Variants in RAPGEF1 observed in about 807,000 individuals in gnomAD.
RAPGEF1 encodes CRK SH3-binding GNRP.
In RAPGEF1, 33 loss-of-function variants were observed where a neutral mutation model predicts 143.3. The ratio of observed to expected loss-of-function variants is 0.23; its 90% CI spans 0.17 to 0.31. The LOEUF (loss-of-function observed/expected upper bound fraction) is 0.31. RAPGEF1 is among the 10% of genes least tolerant of loss of function. RAPGEF1 has a pLI of 1.00. For missense variants in RAPGEF1, 1,199 were observed against 1,645.4 expected, an observed-to-expected ratio of 0.73 and a Z score of 4.69; for synonymous variants, 629 against 676.5, an observed-to-expected ratio of 0.93 and a Z score of 1.09.
At chr9:131,644,077 C>T (rs1233674542) in intron 3 of RAPGEF1, among the ~76,000 whole-genome samples, 1 of 152,190 alleles carries the variant, frequency 6.6e-6, no homozygotes, top group Non-Finnish European at 1.5e-5. Flanking sequence ...GATTCAATCA[C>T]GACTCATGCA....
chr9:131,699,120 A>T (rs928785808), intron 1 of RAPGEF1, among the ~76,000 whole-genome samples: 1 of 151,846 alleles, frequency 6.6e-6, no homozygotes, highest in Admixed American at 6.6e-5. Context: ...ACCCTTAACA[A>T]CTACCACCTT....
intron 15 of RAPGEF1, among the ~76,000 whole-genome samples, chr9:131,600,275 CAA>C (rs1293681143): frequency 6.6e-6 from 1 of 152,194 alleles, no homozygotes; most frequent in Non-Finnish European, 1.5e-5. Flanking sequence ...TCTGAGCAGT[CAA>C]AGTGTTCATC....
intron 4 of RAPGEF1, among the ~76,000 whole-genome samples, chr9:131,642,076 T>C (rs7022003): frequency 0.039 from 5,979 of 152,290 alleles, 242 homozygotes; most frequent in East Asian, 0.09. Flanking sequence ...ACAAAACATG[T>C]GCCAGCCTCT....
At chr9:131,579,930 G>T (rs1211820184) in intron 26 of RAPGEF1, among the ~76,000 whole-genome samples, 2 of 152,204 alleles carry the variant, frequency 1.3e-5, no homozygotes, top group Admixed American at 6.5e-5. Flanking sequence ...GGCCCGCCCT[G>T]GGGGAGCTCT....
chr9:131,631,918 A>ACT (rs61700979), intron 5 of RAPGEF1, among the ~76,000 whole-genome samples: 33,757 of 151,658 alleles, frequency 0.22, 4,673 homozygotes, highest in Non-Finnish European at 0.3. Context: ...ACCACTTCAG[A>ACT]CAGCCTCTCC....
chr9:131,686,447 A>G (rs929318103), intron 1 of RAPGEF1, among the ~76,000 whole-genome samples: 4 of 152,062 alleles, frequency 2.6e-5, no homozygotes, highest in Non-Finnish European at 5.9e-5. Context: ...GACTTTTCAG[A>G]CCCAACCCCC....
intron 1 of RAPGEF1, among the ~76,000 whole-genome samples, chr9:131,684,378 A>G (rs1254796490): frequency 1.3e-5 from 2 of 152,240 alleles, no homozygotes; most frequent in Non-Finnish European, 2.9e-5. Flanking sequence ...TATTAAAACA[A>G]TAATGCCCCA....
chr9:131,619,281 G>A, intron 11 of RAPGEF1, 75 bp from the exon 12 acceptor site: 4 of 1,211,576 alleles, frequency 3.3e-6, no homozygotes, highest in Non-Finnish European at 4.4e-6. Flanking sequence ...TCCGTGCAGG[G>A]AAAGGCCGTG....
At chr9:131,670,909 T>C (rs1342007528) in intron 1 of RAPGEF1, among the ~76,000 whole-genome samples, 1 of 152,218 alleles carries the variant, frequency 6.6e-6, no homozygotes, top group East Asian at 1.9e-4. Context: ...TAGCAGTCTG[T>C]GATCAGTTAC....
At chr9:131,634,108 T>C (rs887332607) in intron 5 of RAPGEF1, among the ~76,000 whole-genome samples, 2 of 152,016 alleles carry the variant, frequency 1.3e-5, no homozygotes, top group East Asian at 2.0e-4. Context: ...CAAAAATTAG[T>C]TGGACGTGGT....
intron 4 of RAPGEF1, among the ~76,000 whole-genome samples, chr9:131,639,371 G>C (rs763447328): frequency 1.5e-4 from 23 of 152,038 alleles, no homozygotes; most frequent in Non-Finnish European, 2.9e-5. Context: ...ACTATTTTGA[G>C]AATAGCAAAT....
intron 12 of RAPGEF1, among the ~76,000 whole-genome samples, chr9:131,607,696 A>G (rs541054426): frequency 1.6e-4 from 25 of 152,188 alleles, no homozygotes; most frequent in African/African-American, 5.8e-4. Flanking sequence ...AGACACTGCC[A>G]CGAGATTTGC....
rs959621111 is a variant in RAPGEF1, at chr9:131,626,455, T to C, written c.1202-33A>G. The C allele has an allele frequency of 4.6e-6, 7 of 1,528,858 alleles. No homozygotes were observed. In the African/African-American group the frequency reaches 9.7e-5, roughly 21 times the overall value. 94.7% of individuals were successfully genotyped at this position (1,528,858 alleles called of 1,614,324 possible). ...TACAACAGGGGAAAAAGAGACCCGT[T>C]AGCCACAGGCCCTGCAGGAGCAGCC... On this transcript the variant is annotated intron_variant, in intron 9 of 26. Transcript: ENST00000683357.
chr9:131,726,518 T>C (rs146737658), intron 1 of RAPGEF1, among the ~76,000 whole-genome samples: 2,347 of 151,646 alleles, frequency 0.015, 25 homozygotes, highest in Non-Finnish European at 0.025. Context: ...CCCAGCTACT[T>C]GGGAGGCTGA....
chr9:131,695,563 T>G (rs1232560090), intron 1 of RAPGEF1, among the ~76,000 whole-genome samples: 1 of 152,018 alleles, frequency 6.6e-6, no homozygotes, highest in African/African-American at 2.4e-5. Context: ...CAGGAGCGAG[T>G]TGGATCAAGC....
At position 131,615,078 on chromosome 9, in the gene RAPGEF1, T is replaced by C. The variant is rs368879302; in HGVS notation, c.2061+3973A>G. Among the ~76,000 whole-genome samples, 28 of 152,274 alleles carry C rather than the reference T, an allele frequency of 1.8e-4. 1 individual carries two copies. The East Asian group carries it at 5.0e-3, about 27-fold the overall frequency. On this transcript the variant is annotated intron_variant, in intron 12 of 26. Transcript: ENST00000683357. ...GTAGTGTGCAGTATGGAGGAAGGTG[T>C]TTTTTCTTTTTTGAGACGGAGTCTT...
At chr9:131,613,683 G>T (rs1056464384) in intron 12 of RAPGEF1, among the ~76,000 whole-genome samples, 2 of 152,188 alleles carry the variant, frequency 1.3e-5, no homozygotes, top group Admixed American at 1.3e-4. Context: ...CAGGCATGGG[G>T]ACTAATTTCT....
At chr9:131,598,499 C>T (rs748968388) in intron 15 of RAPGEF1, 189 bp from the exon 16 acceptor site, 12 of 696,538 alleles carry the variant, frequency 1.7e-5, no homozygotes, top group African/African-American at 3.5e-5. Context: ...ATAGGACAGT[C>T]GCTGCTGCCT....
At chr9:131,670,724 G>A (rs1831243856) in intron 1 of RAPGEF1, among the ~76,000 whole-genome samples, 1 of 152,214 alleles carries the variant, frequency 6.6e-6, no homozygotes, top group Non-Finnish European at 1.5e-5. Context: ...TCTCGACTTG[G>A]GAGGTGGGAT....
Sources: gnomAD v4.1 joint callset for allele counts (sites outside exome capture counted in the v4.1 genomes callset) on GRCh38, gnomAD v4.1.1 for gene constraint, MANE v1.5 for transcripts, NCBI Gene and HGNC (gene_info 2026-07-23, HGNC 2026-07-21) for gene names.